PXDNL: variants seen among roughly 807,000 people sequenced by gnomAD.
PXDNL encodes probable oxidoreductase PXDNL.
A neutral mutation model predicts 150.8 loss-of-function variants in PXDNL; 145 were observed. The observed-to-expected ratio is 0.96, with a 90% CI of 0.84 to 1.10. The LOEUF (loss-of-function observed/expected upper bound fraction) is 1.10. Among genes scored for constraint, PXDNL ranks in the 50% least tolerant of loss-of-function variants. PXDNL has a pLI of 0.00. For synonymous variants in PXDNL, 757 were observed against 725.7 expected (o/e 1.04, Z -0.69); for missense variants, 2,087 against 1,873.9 (o/e 1.11, Z -2.10).
At chr8:51,720,176 T>A (rs962149169) in intron 1 of PXDNL, among the ~76,000 whole-genome samples, 5 of 149,134 alleles carry the variant, frequency 3.4e-5, no homozygotes, top group African/African-American at 1.3e-4. Context: ...TTCAATAAAA[T>A]ATATTATTCC....
At chr8:51,691,876 AG>A (rs1816006972) in intron 1 of PXDNL, among the ~76,000 whole-genome samples, 1 of 152,252 alleles carries the variant, frequency 6.6e-6, no homozygotes, top group African/African-American at 2.4e-5. Flanking sequence ...GAAGTTTCAA[AG>A]GTTGCATTTC....
At chr8:51,595,893 T>C (rs944339408) in intron 2 of PXDNL, among the ~76,000 whole-genome samples, 1 of 152,022 alleles carries the variant, frequency 6.6e-6, no homozygotes, top group African/African-American at 2.4e-5. Context: ...GAATATAAAT[T>C]TATTATTTTT....
intron 3 of PXDNL, among the ~76,000 whole-genome samples, chr8:51,573,771 C>T (rs772857213): frequency 7.2e-5 from 11 of 151,962 alleles, no homozygotes; most frequent in Non-Finnish European, 1.2e-4. Context: ...AATATAATGT[C>T]AAAGTCTTTA....
At chr8:51,804,082 C>T (rs1286874506) in intron 1 of PXDNL, among the ~76,000 whole-genome samples, 3 of 152,110 alleles carry the variant, frequency 2.0e-5, no homozygotes, top group Admixed American at 6.5e-5. Flanking sequence ...GAGCACAATT[C>T]GGTTTTATAC....
chr8:51,476,436 T>C lies in PXDNL; in HGVS notation c.525-1295A>G, dbSNP rs78019997. On this transcript the variant is annotated intron_variant, in intron 6 of 22. Coordinates refer to ENST00000356297, the MANE Select transcript of PXDNL (RefSeq NM_144651.5). ...AAGTCCCAGTTAGAAGGTCCCCCTC[T>C]GGAATTGCTACATGTAGACTGTAAC... Among the ~76,000 whole-genome samples the C allele has an allele frequency of 6.4e-3, 981 of 152,348 alleles. 5 individuals are homozygous for C. The highest frequency in any genetic ancestry group is 0.027 in the South Asian group (131 of 4,824).
intron 1 of PXDNL, among the ~76,000 whole-genome samples, chr8:51,658,503 T>C (rs1815203503): frequency 6.6e-6 from 1 of 152,176 alleles, no homozygotes; most frequent in African/African-American, 2.4e-5. Flanking sequence ...GCTAGTACAT[T>C]CTGGCACATA....
chr8:51,698,483 C>G (rs998402691), intron 1 of PXDNL, among the ~76,000 whole-genome samples: 3 of 152,216 alleles, frequency 2.0e-5, no homozygotes, highest in Non-Finnish European at 4.4e-5. Flanking sequence ...GTCACATCCT[C>G]AGGCTCCACT....
rs540804636 is a variant in PXDNL at position 51,541,095 on chromosome 8, T to C, written c.380+15745A>G. 1.5e-4 allele frequency among the ~76,000 whole-genome samples: 23 copies of C among 151,958 alleles called. 1 individual carries two copies. The highest frequency in any genetic ancestry group is 5.6e-4 in the African/African-American group (23 of 41,390). On this transcript the variant is annotated intron_variant, in intron 4 of 22. Transcript: ENST00000356297. ...CAACATGGTGAAATCTCGTCTCTACTAAAAATACAAAAATTAGCTGGGCGT... is the reference window on the plus strand; with the variant it reads ...CAACATGGTGAAATCTCGTCTCTACCAAAAATACAAAAATTAGCTGGGCGT...
At chr8:51,483,010 G>A (rs1810636983) in intron 6 of PXDNL, among the ~76,000 whole-genome samples, 1 of 152,160 alleles carries the variant, frequency 6.6e-6, no homozygotes, top group South Asian at 2.1e-4. Flanking sequence ...TTGTGTTTGG[G>A]GTTGAGGATT....
intron 5 of PXDNL, among the ~76,000 whole-genome samples, chr8:51,492,229 T>C (rs1353871754): frequency 3.3e-5 from 5 of 152,220 alleles, no homozygotes; most frequent in Admixed American, 6.5e-5. Context: ...AGGTTAGCTA[T>C]GTAATTCTGC....
intron 2 of PXDNL, among the ~76,000 whole-genome samples, chr8:51,600,898 GTTTAGATAATT>G (rs1813704131): frequency 7.4e-6 from 1 of 135,552 alleles, no homozygotes; most frequent in African/African-American, 2.8e-5. Flanking sequence ...AAATTATATA[GTTTAGATAATT>G]ACATCTTATA....
intron 1 of PXDNL, among the ~76,000 whole-genome samples, chr8:51,681,485 T>C (rs1170230265): frequency 2.0e-5 from 3 of 152,184 alleles, no homozygotes; most frequent in African/African-American, 7.2e-5. Context: ...TCTACATGCA[T>C]CCTCTGGCTT....
chr8:51,620,001 A>ACTT (rs1311927015), intron 2 of PXDNL, among the ~76,000 whole-genome samples: 9 of 152,064 alleles, frequency 5.9e-5, no homozygotes, highest in Admixed American at 1.3e-4. Context: ...AATCCGTTCT[A>ACTT]CTTTTCTATT....
At chr8:51,395,962 T>C (rs1161591332) in intron 17 of PXDNL, among the ~76,000 whole-genome samples, 3 of 152,226 alleles carry the variant, frequency 2.0e-5, no homozygotes, top group African/African-American at 7.2e-5. Context: ...GCTCCTTTCT[T>C]GTTTTTCTAA....
At chr8:51,672,264 G>A (rs1485037131) in intron 1 of PXDNL, among the ~76,000 whole-genome samples, 1 of 152,222 alleles carries the variant, frequency 6.6e-6, no homozygotes, top group Non-Finnish European at 1.5e-5. Context: ...TTAGAGGCAT[G>A]AGCCACCGTG....
chr8:51,800,648 C>A (rs1475570035), intron 1 of PXDNL, among the ~76,000 whole-genome samples: 1 of 152,182 alleles, frequency 6.6e-6, no homozygotes, highest in East Asian at 1.9e-4. Context: ...TTAATATGGA[C>A]ACATATCAGT....
At chr8:51,593,799 A>T (rs1310553965) in intron 2 of PXDNL, among the ~76,000 whole-genome samples, 1 of 152,172 alleles carries the variant, frequency 6.6e-6, no homozygotes, top group East Asian at 1.9e-4. Context: ...TGTCCTGGCC[A>T]TTGGGAGGCA....
intron 6 of PXDNL, among the ~76,000 whole-genome samples, chr8:51,478,949 AG>A (rs1466621034): frequency 1.3e-5 from 2 of 152,216 alleles, no homozygotes; most frequent in African/African-American, 4.8e-5. Flanking sequence ...CATAACATAA[AG>A]ATAGTTTGTC....
chr8:51,328,486 C>G (rs902423824), intron 21 of PXDNL, among the ~76,000 whole-genome samples: 4 of 152,180 alleles, frequency 2.6e-5, no homozygotes, highest in African/African-American at 9.7e-5. Context: ...CAGAAATACT[C>G]TCACAGAAAC....
Sources: allele counts gnomAD v4.1 joint callset (sites outside exome capture counted in the v4.1 genomes callset), GRCh38; gene constraint gnomAD v4.1.1; transcripts MANE v1.5; gene names NCBI Gene and HGNC (gene_info 2026-07-23, HGNC 2026-07-21).